The following SLC4A4 variants were observed in gnomAD, a reference collection of about 807,000 sequenced individuals.
SLC4A4 encodes the protein solute carrier family 4 member 4.
SLC4A4 carries 27 observed loss-of-function variants against 111.5 expected under a neutral mutation model. The ratio of observed to expected loss-of-function variants is 0.24; its 90% CI spans 0.18 to 0.33. The LOEUF is 0.33. SLC4A4 is among the 10% of genes least tolerant of loss of function. SLC4A4 has a pLI of 1.00. For missense variants in SLC4A4, 909 were observed against 1,315.5 expected (o/e 0.69, Z 4.78); for synonymous variants, 443 against 463.4 (o/e 0.96, Z 0.57).
In SLC4A4 at chr4:71,312,407, C is replaced by T. The variant is rs574744127; in HGVS notation, c.254-26963C>T. On this transcript the variant is annotated intron_variant, in intron 3 of 25. Transcript: ENST00000264485. Reference sequence around the variant, plus strand: ...AAACAATAGAAGAAGAGGGACTCCTCCCTAACTCATTTTATAAGGCCAGCA... The same window carrying T: ...AAACAATAGAAGAAGAGGGACTCCTTCCTAACTCATTTTATAAGGCCAGCA... 5.9e-5 allele frequency among the ~76,000 whole-genome samples: 9 copies of T among 152,292 alleles called. No individual in the cohort carries two copies. In the South Asian group the frequency reaches 1.7e-3, roughly 28 times the overall value.
chr4:71,497,521 C>A lies in SLC4A4; in HGVS notation c.1995C>A (p.Asp665Glu). Reference protein sequence around the residue: ...STDMYHNTTFDWAFLSKKECS... With the variant: ...STDMYHNTTFEWAFLSKKECS... Reference sequence around the variant, plus strand: ...TTCAGTACCATAATACTACCTTTGACTGGGCATTTTTGTCGAAGAAGGAGT... The same window carrying A: ...TTCAGTACCATAATACTACCTTTGAATGGGCATTTTTGTCGAAGAAGGAGT... The change falls in exon 16 of 26, where the codon GAC becomes GAA. Residue 665 changes from aspartate (D) to glutamate (E), a missense_variant. Transcript: ENST00000264485. 6.2e-7 allele frequency: 1 copy of A among 1,613,362 alleles called. No homozygotes were observed. Among genetic ancestry groups the A allele is most frequent in the Non-Finnish European group, 8.5e-7 (1 of 1,179,622 alleles).
chr4:71,351,535 T>C (rs1044830074), intron 5 of SLC4A4, among the ~76,000 whole-genome samples: 7 of 152,176 alleles, frequency 4.6e-5, no homozygotes, highest in African/African-American at 1.4e-4. Context: ...TGTAAATCTG[T>C]GCATACAGAA....
chr4:71,148,395 C>CT (rs1409495949), intron 2 of SLC4A4, among the ~76,000 whole-genome samples: 4 of 152,070 alleles, frequency 2.6e-5, no homozygotes, highest in African/African-American at 9.7e-5. Context: ...AATTTTCTTT[C>CT]TTTTTTTAAT....
At chr4:71,480,338 G>T (rs144259588) in intron 14 of SLC4A4, among the ~76,000 whole-genome samples, 1 of 150,488 alleles carries the variant, frequency 6.6e-6, no homozygotes, top group African/African-American at 2.4e-5. Context: ...ATTAAGTCTT[G>T]CTGAAAATAC....
At chr4:71,150,969 G>T (rs570196346) in intron 2 of SLC4A4, among the ~76,000 whole-genome samples, 146 of 152,282 alleles carry the variant, frequency 9.6e-4, no homozygotes, top group African/African-American at 3.4e-3. Flanking sequence ...GTTCTTGCAT[G>T]ATTTTCATTT....
intron 3 of SLC4A4, among the ~76,000 whole-genome samples, chr4:71,292,901 G>A (rs1724481761): frequency 1.4e-5 from 2 of 143,956 alleles, no homozygotes; most frequent in Non-Finnish European, 3.0e-5. Flanking sequence ...GAGTGCAGTG[G>A]TGCGATTTCG....
chr4:71,527,598 C>CTCCA (rs1266333748), intron 16 of SLC4A4, among the ~76,000 whole-genome samples: 2 of 151,824 alleles, frequency 1.3e-5, no homozygotes, highest in Non-Finnish European at 2.9e-5. Flanking sequence ...CAGGTCTGTC[C>CTCCA]TCCACCAGGG....
Position 71,478,221 on chromosome 4 carries a change from A to T in SLC4A4, c.1903+5251A>T, listed in dbSNP as rs952455785. On this transcript the variant is annotated intron_variant, in intron 14 of 25. Coordinates refer to ENST00000264485, the MANE Select transcript of SLC4A4 (RefSeq NM_001098484.3). Reference sequence around the variant, plus strand: ...AGTGTGGTGATTCCTCAAGGATCTAAAACTAGAAATACCATTTGACCCAGC... The same window carrying T: ...AGTGTGGTGATTCCTCAAGGATCTATAACTAGAAATACCATTTGACCCAGC... Among the ~76,000 whole-genome samples the T allele has an allele frequency of 1.6e-4, 24 of 151,868 alleles. 1 individual carries two copies. Among genetic ancestry groups the T allele is most frequent in the African/African-American group, 5.8e-4 (24 of 41,372 alleles).
chr4:71,131,657 A>G (rs1389015720), intron 2 of SLC4A4, among the ~76,000 whole-genome samples: 3 of 152,226 alleles, frequency 2.0e-5, no homozygotes, highest in African/African-American at 7.2e-5. Flanking sequence ...ACATTGGTAA[A>G]TGCATTATTG....
intron 6 of SLC4A4, among the ~76,000 whole-genome samples, chr4:71,389,251 A>G (rs1343762680): frequency 6.6e-6 from 1 of 152,180 alleles, no homozygotes; most frequent in African/African-American, 2.4e-5. Context: ...CCTCTCTATT[A>G]TCTTTATCCC....
chr4:71,322,007 G>T (rs140799534), intron 3 of SLC4A4, among the ~76,000 whole-genome samples: 2,059 of 151,942 alleles, frequency 0.014, 52 homozygotes, highest in African/African-American at 0.047. Flanking sequence ...ACTAATTTTG[G>T]ACCCTCAACT....
chr4:71,458,297 A>G (rs1469349749), intron 12 of SLC4A4, among the ~76,000 whole-genome samples: 6 of 152,102 alleles, frequency 3.9e-5, no homozygotes, highest in African/African-American at 2.4e-5. Flanking sequence ...AGATACTTAT[A>G]TAAGGAATAA....
At chr4:71,487,750 G>A (rs1023532394) in intron 15 of SLC4A4, among the ~76,000 whole-genome samples, 3 of 151,472 alleles carry the variant, frequency 2.0e-5, no homozygotes, top group Non-Finnish European at 4.4e-5. Flanking sequence ...CAGGAGACCC[G>A]GACATTTCTA....
intron 2 of SLC4A4, among the ~76,000 whole-genome samples, chr4:71,244,451 T>C (rs2149047020): frequency 6.6e-6 from 1 of 152,300 alleles, no homozygotes; most frequent in African/African-American, 2.4e-5. Context: ...AGTAAGCCAT[T>C]AAGAAGTTAC....
At chr4:71,541,426 A>G (rs935352948) in intron 18 of SLC4A4, among the ~76,000 whole-genome samples, 2 of 152,116 alleles carry the variant, frequency 1.3e-5, no homozygotes, top group Non-Finnish European at 2.9e-5. Flanking sequence ...GAATGGCTTT[A>G]AGCAAATGTC....
At chr4:71,337,679 T>C (rs181535589) in intron 3 of SLC4A4, among the ~76,000 whole-genome samples, 4 of 152,298 alleles carry the variant, frequency 2.6e-5, no homozygotes, top group Non-Finnish European at 5.9e-5. Flanking sequence ...CCAGAAATTT[T>C]CATGTCCTTC....
chr4:71,498,092 G>A (rs1173558062), intron 16 of SLC4A4, among the ~76,000 whole-genome samples: 1 of 152,104 alleles, frequency 6.6e-6, no homozygotes, highest in Admixed American at 6.5e-5. Context: ...CTGTACATTT[G>A]AGTATTTTAG....
intron 7 of SLC4A4, 97 bp from the exon 8 acceptor site, chr4:71,440,519 A>T (rs1724620141): frequency 7.3e-7 from 1 of 1,361,226 alleles, no homozygotes; most frequent in African/African-American, 1.4e-5. Context: ...TGAGTGATAC[A>T]TGGGAAGGCC....
At chr4:71,181,531 T>C (rs1277981228) in intron 2 of SLC4A4, among the ~76,000 whole-genome samples, 1 of 152,134 alleles carries the variant, frequency 6.6e-6, no homozygotes, top group Admixed American at 6.5e-5. Flanking sequence ...CCCAATGTTA[T>C]TGTGTAAGAA....
Sources: gnomAD v4.1 joint callset for allele counts (sites outside exome capture counted in the v4.1 genomes callset) on GRCh38, gnomAD v4.1.1 for gene constraint, MANE v1.5 for transcripts, NCBI Gene and HGNC (gene_info 2026-07-23, HGNC 2026-07-21) for gene names.